Variants in GSE1 observed in about 807,000 individuals in gnomAD.
GSE1 encodes the protein Gse1 coiled-coil protein, also known as genetic suppressor element 1.
GSE1 carries 32 observed loss-of-function variants against 112.6 expected under a neutral mutation model. The observed-to-expected ratio is 0.28, with a 90% confidence interval of 0.21 to 0.38. The LOEUF is 0.38. Among genes scored for constraint, GSE1 ranks in the 10% least tolerant of loss-of-function variants. The pLI is 1.00. For synonymous variants in GSE1, 1,115 were observed against 735.6 expected (o/e 1.52, Z -8.35); for missense variants, 2,348 against 1,699.2 (o/e 1.38, Z -6.71).
At chr16:85,246,285 G>C (rs1597178210) in intron 1 of GSE1, among the ~76,000 whole-genome samples, 1 of 73,146 alleles carries the variant, frequency 1.4e-5, no homozygotes, top group Non-Finnish European at 2.7e-5. Flanking sequence ...CCCACACGCT[G>C]TCTACACACA....
rs752450520 is a variant in GSE1 at position 85,657,393 on chromosome 16, C to T, written c.1429C>T (p.Leu477=). ...SLISNHGIFS[L]PSSSAATALL... is the part of the protein sequence containing the mutation. The stretch of plus-strand genomic sequence containing the variant: ...CATCTCCAACCATGGCATCTTCTCT[C>T]TGCCTAGCAGCAGTGCTGCCACAGC... Residue 477 remains leucine, a synonymous_variant, in exon 8 of 16, where the codon CTG becomes TTG. Coordinates refer to ENST00000253458, the MANE Select transcript of GSE1 (RefSeq NM_014615.5). 2 of 1,612,762 alleles carry T rather than the reference C, an allele frequency of 1.2e-6. No homozygotes were observed. The highest frequency in any genetic ancestry group is 2.2e-5 in the South Asian group (2 of 90,984).
intron 2 of GSE1, among the ~76,000 whole-genome samples, chr16:85,443,657 C>T (rs1391266381): frequency 6.6e-6 from 1 of 152,260 alleles, no homozygotes; most frequent in Non-Finnish European, 1.5e-5. Flanking sequence ...GGAACCGAGG[C>T]CTGGCAGCAG....
At position 85,226,960 on chromosome 16, in the gene GSE1, C is replaced by T. The variant is rs545011206; in HGVS notation, c.2283+55153C>T. Among the ~76,000 whole-genome samples, 10 of 152,196 alleles carry T rather than the reference C, an allele frequency of 6.6e-5. No homozygotes were observed. In the South Asian group the frequency reaches 1.9e-3, roughly 28 times the overall value. On this transcript the variant is annotated intron_variant, in intron 1 of 2. Transcript: ENST00000637419. Reference sequence around the variant, plus strand: ...AGGAATAAGTCAGTCAGGTAGCGGCCATCCCCACACCTAGGGCCCACCTGC... The same window carrying T: ...AGGAATAAGTCAGTCAGGTAGCGGCTATCCCCACACCTAGGGCCCACCTGC...
chr16:85,499,155 T>C (rs2051277942), intron 2 of GSE1, among the ~76,000 whole-genome samples: 1 of 152,016 alleles, frequency 6.6e-6, no homozygotes. Context: ...CTCTAGGACT[T>C]GGGACACTCC....
chr16:85,628,625 C>A lies in GSE1; in HGVS notation c.8-5289C>A, dbSNP rs546061170. Among the ~76,000 whole-genome samples, 627 of 152,326 alleles carry A rather than the reference C, an allele frequency of 4.1e-3. 1 individual carries two copies. Among genetic ancestry groups the A allele is most frequent in the Non-Finnish European group, 7.2e-3 (488 of 68,020 alleles). On this transcript the variant is annotated intron_variant, in intron 1 of 15. Transcript: ENST00000253458. ...CACCCCAGTTCCCTCCACCTCTGCCCTGTGGCTGGACAGCCCCACGCTTTT... is the reference window on the plus strand; with the variant it reads ...CACCCCAGTTCCCTCCACCTCTGCCATGTGGCTGGACAGCCCCACGCTTTT...
rs534548600 is a variant in GSE1, at chr16:85,618,883, C to T, written c.7+5485C>T. 5.5e-4 allele frequency among the ~76,000 whole-genome samples: 84 copies of T among 152,350 alleles called. 1 individual carries two copies. The highest frequency in any genetic ancestry group is 1.4e-3 in the South Asian group (7 of 4,828). Reference sequence around the variant, plus strand: ...CTCACTGTGTTGCCCAGGGTGGTCTCAAACTCCTGATCTTGGGTGATCCTT... The same window carrying T: ...CTCACTGTGTTGCCCAGGGTGGTCTTAAACTCCTGATCTTGGGTGATCCTT... On this transcript the variant is annotated intron_variant, in intron 1 of 15. Coordinates refer to ENST00000253458, the MANE Select transcript of GSE1 (RefSeq NM_014615.5).
chr16:85,253,086 A>G (rs1351348847), intron 1 of GSE1, among the ~76,000 whole-genome samples: 1 of 7,108 alleles, frequency 1.4e-4, no homozygotes, highest in Non-Finnish European at 2.8e-4. Flanking sequence ...CCCCCCCACC[A>G]GCAGGCTGCT....
At chr16:85,305,423 T>G (rs1285702982) in intron 1 of GSE1, among the ~76,000 whole-genome samples, 1 of 152,130 alleles carries the variant, frequency 6.6e-6, no homozygotes, top group African/African-American at 2.4e-5. Flanking sequence ...GTGCTTGGAT[T>G]GCAGGCATGA....
intron 2 of GSE1, among the ~76,000 whole-genome samples, chr16:85,449,957 G>C (rs2049627834): frequency 6.6e-6 from 1 of 152,102 alleles, no homozygotes; most frequent in Non-Finnish European, 1.5e-5. Context: ...CTCCCAGCTT[G>C]GCCCAAAAGG....
intron 14 of GSE1, 50 bp downstream of exon 14, chr16:85,668,474 G>A (rs548962102): frequency 2.6e-5 from 34 of 1,303,776 alleles, no homozygotes; most frequent in Admixed American, 5.5e-5. Flanking sequence ...AAGTACCTTT[G>A]GAAAGGAAGC....
chr16:85,600,008 T>A (rs1028546478), intron 1 of GSE1, among the ~76,000 whole-genome samples: 1 of 152,204 alleles, frequency 6.6e-6, no homozygotes, highest in Non-Finnish European at 1.5e-5. Context: ...AGGTCCCTCC[T>A]GTGTGAGCCC....
chr16:85,659,461 C>G (rs1180403391), intron 8 of GSE1: 2 of 152,278 alleles, frequency 1.3e-5, no homozygotes, highest in African/African-American at 2.4e-5. Flanking sequence ...GAGTTCTCGG[C>G]TGTAGTGTAC....
At chr16:85,178,108 C>T (rs1212368896) in intron 1 of GSE1, among the ~76,000 whole-genome samples, 2 of 152,158 alleles carry the variant, frequency 1.3e-5, no homozygotes, top group Admixed American at 6.5e-5. Context: ...AGAGGTCCAG[C>T]CGTGGTTGTG....
intron 1 of GSE1, among the ~76,000 whole-genome samples, chr16:85,621,533 A>C (rs1482738829): frequency 1.3e-5 from 2 of 152,330 alleles, no homozygotes; most frequent in African/African-American, 4.8e-5. Flanking sequence ...TAAGGAAGTT[A>C]ATCCATCCTT....
chr16:85,471,728 T>C (rs1597858655), intron 2 of GSE1, among the ~76,000 whole-genome samples: 2 of 152,146 alleles, frequency 1.3e-5, no homozygotes, highest in Admixed American at 6.5e-5. Context: ...ATTTACTTTT[T>C]TTCGATGATC....
Position 85,511,844 on chromosome 16 carries a change from C to T in GSE1, c.2465-122070C>T, listed in dbSNP as rs144785614. On this transcript the variant is annotated intron_variant, in intron 2 of 2. Coordinates refer to the GSE1 transcript ENST00000637419. ...GCCTCCAGAGGGAGCAGGGCCCTGCCTCTGCCTTGATTTCAGCCCAGTGCT... is the reference window on the plus strand; with the variant it reads ...GCCTCCAGAGGGAGCAGGGCCCTGCTTCTGCCTTGATTTCAGCCCAGTGCT... Among the ~76,000 whole-genome samples, 15 of 152,292 alleles carry T rather than the reference C, an allele frequency of 9.8e-5. 1 individual carries two copies. In the East Asian group the frequency reaches 2.9e-3, roughly 29 times the overall value.
chr16:85,484,472 C>A (rs2050773229), intron 2 of GSE1, among the ~76,000 whole-genome samples: 1 of 152,244 alleles, frequency 6.6e-6, no homozygotes. Context: ...TAATACAGGG[C>A]AGGGTGTACA....
chr16:85,353,311 C>T (rs1021076398), intron 1 of GSE1, among the ~76,000 whole-genome samples: 3 of 152,196 alleles, frequency 2.0e-5, no homozygotes, highest in Non-Finnish European at 4.4e-5. Context: ...ACGCACCTTC[C>T]TATACAAGTT....
chr16:85,350,170 G>T (rs915909924), intron 1 of GSE1, among the ~76,000 whole-genome samples: 3 of 152,196 alleles, frequency 2.0e-5, no homozygotes, highest in Admixed American at 2.0e-4. Flanking sequence ...GACAAGTAAG[G>T]CAGGGGTTAC....
Sources: gnomAD v4.1 joint callset for allele counts (sites outside exome capture counted in the v4.1 genomes callset) on GRCh38, gnomAD v4.1.1 for gene constraint, MANE v1.5 for transcripts, NCBI Gene and HGNC (gene_info 2026-07-23, HGNC 2026-07-21) for gene names.